Variants in SH3PXD2B observed in about 807,000 individuals in gnomAD.
SH3PXD2B encodes SH3 and PX domain-containing protein 2B.
In SH3PXD2B, 37 loss-of-function variants were observed where a neutral mutation model predicts 73.1. The observed-to-expected ratio is 0.51, with a 90% CI of 0.39 to 0.67. The LOEUF is 0.67. Among genes scored for constraint, SH3PXD2B ranks in the 30% least tolerant of loss-of-function variants. SH3PXD2B has a pLI of 0.00. For synonymous variants in SH3PXD2B, 457 were observed against 480.5 expected, an observed-to-expected ratio of 0.95 and a Z score of 0.64; for missense variants, 1,053 against 1,197.8, an observed-to-expected ratio of 0.88 and a Z score of 1.78.
chr5:172,439,434 T>G (rs1759492338), intron 1 of SH3PXD2B, among the ~76,000 whole-genome samples: 1 of 152,076 alleles, frequency 6.6e-6, no homozygotes, highest in Non-Finnish European at 1.5e-5. Flanking sequence ...GAGAGAACAG[T>G]ACCTACTTTA....
chr5:172,394,390 TAATAA>T, intron 4 of SH3PXD2B, among the ~76,000 whole-genome samples, 168 bp downstream of exon 4: 1 of 150,992 alleles, frequency 6.6e-6, no homozygotes, highest in Admixed American at 6.6e-5. Flanking sequence ...GTAAAACCCT[TAATAA>T]CTAACTGTTG....
intron 1 of SH3PXD2B, among the ~76,000 whole-genome samples, chr5:172,423,894 C>T (rs763371153): frequency 7.2e-5 from 11 of 152,096 alleles, no homozygotes; most frequent in Non-Finnish European, 1.3e-4. Context: ...CCACCTATGT[C>T]GGCCTCCCAA....
At position 172,339,092 on chromosome 5, in the gene SH3PXD2B, C is replaced by T. The variant is rs1756779018; in HGVS notation, c.2013G>A (p.Arg671=). The T allele has an allele frequency of 6.2e-7, 1 of 1,614,096 alleles. No individual in the cohort carries two copies. The highest frequency in any genetic ancestry group is 1.3e-5 in the African/African-American group (1 of 74,934). The change falls in exon 13 of 13, where the codon AGG becomes AGA. Residue 671 remains arginine (R), a synonymous_variant. Coordinates refer to ENST00000311601, the MANE Select transcript of SH3PXD2B (RefSeq NM_001017995.3). The surrounding 1 kb of genome is among the most constrained non-coding windows in gnomAD (Gnocchi z 6.1). ...AGGACTTGTCTTGGGACTTGGCAGG[C>T]CTGAGCTTACTCCTGAGGTTGCAGA... ...VDICNLRSKL[R]PAKSQDKSLL...
At chr5:172,432,805 G>A (rs565586787) in intron 1 of SH3PXD2B, among the ~76,000 whole-genome samples, 12 of 151,958 alleles carry the variant, frequency 7.9e-5, no homozygotes, top group South Asian at 2.1e-4. Flanking sequence ...CCAGCTACGC[G>A]GGAGGCTGAG....
chr5:172,378,852 C>T (rs1757877618), intron 5 of SH3PXD2B, among the ~76,000 whole-genome samples: 1 of 151,924 alleles, frequency 6.6e-6, no homozygotes, highest in East Asian at 1.9e-4. Flanking sequence ...AGGTGGATCA[C>T]GAGGCCAGGA....
At chr5:172,343,966 G>GA (rs760791917) in intron 12 of SH3PXD2B, among the ~76,000 whole-genome samples, 3,286 of 140,510 alleles carry the variant, frequency 0.023, 93 homozygotes, top group African/African-American at 0.078. Context: ...CATGCTGATA[G>GA]AAAAAAAAAA....
At chr5:172,350,292 T>C in intron 10 of SH3PXD2B, 71 bp downstream of exon 10, 1 of 1,484,006 alleles carries the variant, frequency 6.7e-7, no homozygotes, top group Non-Finnish European at 9.3e-7. Context: ...AGGGACGATG[T>C]GAGACGCCTT....
At chr5:172,368,368 C>T (rs1253291217) in intron 6 of SH3PXD2B, among the ~76,000 whole-genome samples, 1 of 146,664 alleles carries the variant, frequency 6.8e-6, no homozygotes, top group African/African-American at 2.5e-5. Context: ...AGGGCAGGGA[C>T]AGTCTCTTGT....
intron 2 of SH3PXD2B, among the ~76,000 whole-genome samples, chr5:172,415,022 G>A (rs1350040992): frequency 6.6e-6 from 1 of 152,158 alleles, no homozygotes; most frequent in Non-Finnish European, 1.5e-5. Flanking sequence ...CTAGGAGGGA[G>A]GTCCCTCTGT....
chr5:172,433,448 C>T (rs541392992), intron 1 of SH3PXD2B, among the ~76,000 whole-genome samples: 5 of 152,262 alleles, frequency 3.3e-5, no homozygotes, highest in South Asian at 2.1e-4. Context: ...ATTTTTTACA[C>T]TTTATTTTCT....
In SH3PXD2B at chr5:172,413,139, C is replaced by T. The variant is rs147602292; in HGVS notation, c.157-6787G>A. Among the ~76,000 whole-genome samples, 964 of 152,290 alleles carry T rather than the reference C, an allele frequency of 6.3e-3. 4 individuals are homozygous for T. The highest frequency in any genetic ancestry group is 0.026 in the South Asian group (127 of 4,818). ...CAAAACCCCCAAGTCCCAGCGGAGC[C>T]GGAGCAGGAAGTGGAGAAAGGCCTG... On this transcript the variant is annotated intron_variant, in intron 2 of 12. Transcript: ENST00000311601.
At chr5:172,393,298 T>C (rs1044132043) in intron 4 of SH3PXD2B, among the ~76,000 whole-genome samples, 2 of 152,238 alleles carry the variant, frequency 1.3e-5, no homozygotes, top group African/African-American at 4.8e-5. Flanking sequence ...CTAAGTATTT[T>C]ATTCTTTTTG....
In SH3PXD2B at chr5:172,454,394, T is replaced by A; in HGVS notation, c.-42A>T. 1 of 1,296,720 alleles carries A rather than the reference T, an allele frequency of 7.7e-7. No homozygotes were observed. The highest frequency in any genetic ancestry group is 9.8e-7 in the Non-Finnish European group (1 of 1,016,286). 80.3% of individuals were successfully genotyped at this position (1,296,720 alleles called of 1,614,324 possible). On this transcript the variant is annotated 5_prime_UTR_variant, in exon 1 of 13. Coordinates refer to ENST00000311601, the MANE Select transcript of SH3PXD2B (RefSeq NM_001017995.3). ...GCAGCGGGCCGAGCGCGGGTGCGGGTGGCGCGGGGTGCAGGGAGCGCTGGG... is the reference window on the plus strand; with the variant it reads ...GCAGCGGGCCGAGCGCGGGTGCGGGAGGCGCGGGGTGCAGGGAGCGCTGGG...
At chr5:172,365,982 T>C (rs1757511433) in intron 6 of SH3PXD2B, among the ~76,000 whole-genome samples, 1 of 152,078 alleles carries the variant, frequency 6.6e-6, no homozygotes, top group South Asian at 2.1e-4. Flanking sequence ...ACCAGGTAAG[T>C]GTGTTTCCCT....
At chr5:172,325,880 C>T (rs909470302) in intron 12 of SH3PXD2B, among the ~76,000 whole-genome samples, 1 of 152,244 alleles carries the variant, frequency 6.6e-6, no homozygotes, top group South Asian at 2.1e-4. Flanking sequence ...CTCCGCCTCC[C>T]GGTTTCAAGC....
intron 1 of SH3PXD2B, among the ~76,000 whole-genome samples, chr5:172,444,465 T>C (rs1759616718): frequency 6.6e-6 from 1 of 152,234 alleles, no homozygotes; most frequent in African/African-American, 2.4e-5. Flanking sequence ...AGAGCTGCTA[T>C]GTGGATTCAA....
At chr5:172,371,978 AGAG>A (rs1204481501) in intron 6 of SH3PXD2B, among the ~76,000 whole-genome samples, 1 of 152,224 alleles carries the variant, frequency 6.6e-6, no homozygotes, top group Non-Finnish European at 1.5e-5. Flanking sequence ...TAAACTAGAA[AGAG>A]GAGCTATAAA....
rs2113252065 is a variant in SH3PXD2B at position 172,338,865 on chromosome 5, A to G, written c.2240T>C (p.Leu747Pro). The change falls in exon 13 of 13, where the codon CTC becomes CCC. Residue 747 changes from leucine (L) to proline (P), a missense_variant. Leu to Pro is a moderately conservative substitution (Grantham distance 98, BLOSUM62 -3). Coordinates refer to ENST00000311601, the MANE Select transcript of SH3PXD2B (RefSeq NM_001017995.3). This position sits in a 1 kb window ranked among gnomAD's most constrained non-coding sequence, Gnocchi z 5.1. ...AGGTCTCTGCTGGGGAGCCTCTTGG[A>G]GAGGAACAGGCACGCTCTTAGACAC... Reference protein sequence around the residue: ...DPVSKSVPVPLQEAPQQRPVV... With the variant: ...DPVSKSVPVPPQEAPQQRPVV... 1.2e-6 allele frequency: 2 copies of G among 1,612,584 alleles called. No individual in the cohort carries two copies. Among genetic ancestry groups the G allele is most frequent in the South Asian group, 1.1e-5 (1 of 91,056 alleles).
At chr5:172,427,039 T>TA (rs1298175526) in intron 1 of SH3PXD2B, among the ~76,000 whole-genome samples, 1 of 152,180 alleles carries the variant, frequency 6.6e-6, no homozygotes, top group Admixed American at 6.5e-5. Context: ...GCCAAGGAAT[T>TA]AAAGACTTCC....
Sources: gnomAD v4.1 joint callset for allele counts (sites outside exome capture counted in the v4.1 genomes callset) on GRCh38, gnomAD v4.1.1 for gene constraint, Gnocchi (gnomAD v3.1) non-coding constraint, MANE v1.5 for transcripts, NCBI Gene and HGNC (gene_info 2026-07-23, HGNC 2026-07-21) for gene names.